The following REV3L variants were observed in gnomAD, a reference collection of about 807,000 sequenced individuals.
REV3L encodes the protein REV3 like, DNA directed polymerase zeta catalytic subunit, also known as DNA polymerase zeta catalytic subunit.
Under a neutral mutation model 299.4 loss-of-function variants are expected in REV3L, and 69 were observed. That is an observed-to-expected ratio of 0.23 (90% CI 0.19 to 0.28). The LOEUF (loss-of-function observed/expected upper bound fraction) is 0.28, where lower values mean the gene tolerates loss of function less well. REV3L is among the 10% of genes least tolerant of loss of function. The pLI is 1.00. For synonymous variants in REV3L, 1,238 were observed against 1,271.4 expected, an observed-to-expected ratio of 0.97 and a Z score of 0.56; for missense variants, 3,128 against 3,693.8, an observed-to-expected ratio of 0.85 and a Z score of 3.97.
intron 13 of REV3L, among the ~76,000 whole-genome samples, chr6:111,370,951 A>G (rs1260903436): frequency 6.6e-6 from 1 of 151,908 alleles, no homozygotes; most frequent in Non-Finnish European, 1.5e-5. Flanking sequence ...AATGTGTAAT[A>G]TTCATATTGT....
At chr6:111,393,672 C>T (rs7776039) in intron 4 of REV3L, among the ~76,000 whole-genome samples, 5,451 of 152,162 alleles carry the variant, frequency 0.036, 326 homozygotes, top group African/African-American at 0.12. Context: ...ATACACCCTT[C>T]CCAGCCTCTA....
chr6:111,418,560 A>G (rs1038651583), intron 1 of REV3L, among the ~76,000 whole-genome samples: 14 of 152,208 alleles, frequency 9.2e-5, no homozygotes, highest in Non-Finnish European at 1.3e-4. Context: ...TGCTTTACCT[A>G]TGTATTTCTA....
At chr6:111,427,281 T>A (rs556749797) in intron 1 of REV3L, among the ~76,000 whole-genome samples, 51 of 152,236 alleles carry the variant, frequency 3.4e-4, no homozygotes, top group African/African-American at 1.1e-3. Context: ...TTTACCTGTC[T>A]AAAAGAAAGT....
rs927398843 is a variant in REV3L, at chr6:111,299,220, A to G, written c.*796T>C. The G allele has an allele frequency of 6.6e-6, 1 of 152,634 alleles. No homozygotes were observed. Among genetic ancestry groups the G allele is most frequent in the Non-Finnish European group, 1.5e-5 (1 of 68,024 alleles). 9.5% of individuals were successfully genotyped at this position (152,634 alleles called of 1,614,324 possible). ...GCAAATAAGATTAACTGTACAGTAC[A>G]TAAGGAAAGAAAATATTTTAAGTAT... On this transcript the variant is annotated 3_prime_UTR_variant, in exon 32 of 32. Coordinates refer to ENST00000368802, the MANE Select transcript of REV3L (RefSeq NM_001372078.1).
chr6:111,426,519 G>A (rs904715113), intron 1 of REV3L, among the ~76,000 whole-genome samples: 12 of 152,134 alleles, frequency 7.9e-5, no homozygotes, highest in Non-Finnish European at 1.2e-4. Context: ...TGATGACCCT[G>A]AGCAGTAGGA....
chr6:111,374,314 A>G lies in REV3L; in HGVS notation c.4041T>C (p.Thr1347=). The G allele has an allele frequency of 6.2e-7, 1 of 1,613,996 alleles. No individual in the cohort carries two copies. Residue 1347 remains threonine (T), a synonymous_variant, in exon 13 of 32, where the codon ACT becomes ACC. Transcript: ENST00000368802. ...QRPHNQSAMF[T]LKESTLIQKN... is the part of the protein sequence containing the mutation. ...TTTGAATTAACGTTGATTCCTTTAG[A>G]GTAAACATAGCACTTTGATTATGAG...
rs768665878 is a variant in REV3L at position 111,376,089 on chromosome 6, T to C, written c.2266A>G (p.Met756Val). The C allele has an allele frequency of 1.2e-5, 19 of 1,613,534 alleles. No homozygotes were observed. The highest frequency in any genetic ancestry group is 9.3e-5 in the African/African-American group (7 of 74,930). Residue 756 changes from methionine to valine, a missense_variant, in exon 13 of 32, where the codon ATG becomes GTG. Met to Val is a conservative substitution (Grantham distance 21). Coordinates refer to ENST00000368802, the MANE Select transcript of REV3L (RefSeq NM_001372078.1). ...LLSCSGENRT[M>V]VHSLNSTADE... ...GCAGTGCTATTAAGAGAATGCACCA[T>C]AGTTCTATTCTCCCCTGAGCATGAC... is the stretch of plus-strand genomic sequence containing the variant.
At chr6:111,356,553 A>C (rs1778108673) in intron 18 of REV3L, 1 of 152,230 alleles carries the variant, frequency 6.6e-6, no homozygotes, top group Non-Finnish European at 1.5e-5. Context: ...AATGCATCCC[A>C]AAGCTTTTTG....
Position 111,422,585 on chromosome 6 carries a change from TATATATATACAC to T in REV3L, c.140-6125_140-6114del, listed in dbSNP as rs1562286505. On this transcript the variant is annotated intron_variant, in intron 1 of 31. Transcript: ENST00000368802. ...TCTTTTATATATATATACACATATA[TATATATATACAC>T]ATATATATATATATACACATATATA... Among the ~76,000 whole-genome samples, 430 of 50,506 alleles carry T rather than the reference TATATATATACAC, an allele frequency of 8.5e-3. 62 individuals carry two copies. Among genetic ancestry groups the T allele is most frequent in the Middle Eastern group, 0.033 (2 of 60 alleles). The allele number at this position is 50,506 out of a possible 152,430, so 33.1% of individuals were successfully genotyped here. A position where few individuals can be genotyped will look rare whatever the true frequency, so the allele number is the denominator to read the frequency against.
chr6:111,370,748 G>A (rs1367792569), intron 13 of REV3L, among the ~76,000 whole-genome samples: 4 of 151,874 alleles, frequency 2.6e-5, no homozygotes, highest in Non-Finnish European at 5.9e-5. Flanking sequence ...AAAATTGAAA[G>A]GAAGGTACAG....
At chr6:111,357,641 G>A (rs12193815) in intron 17 of REV3L, among the ~76,000 whole-genome samples, 16,330 of 151,966 alleles carry the variant, frequency 0.11, 1,160 homozygotes, top group Middle Eastern at 0.2. Context: ...TGCAGTGAGC[G>A]GAGATCGCAC....
chr6:111,353,219 A>AT (rs1777756363), intron 18 of REV3L, among the ~76,000 whole-genome samples: 1 of 152,216 alleles, frequency 6.6e-6, no homozygotes, highest in African/African-American at 2.4e-5. Flanking sequence ...CAAGTCTGGC[A>AT]TAACAATGGA....
chr6:111,313,522 A>G, intron 27 of REV3L, 33 bp from the exon 28 acceptor site: 1 of 1,572,012 alleles, frequency 6.4e-7, no homozygotes, highest in East Asian at 2.3e-5. Context: ...CCTCTTAAAA[A>G]CCATTTCCCC....
intron 1 of REV3L, among the ~76,000 whole-genome samples, chr6:111,462,755 G>A (rs985869499): frequency 1.8e-4 from 27 of 152,280 alleles, no homozygotes; most frequent in African/African-American, 6.5e-4. Context: ...TTACTTAGTA[G>A]AGATGTGCTC....
intron 1 of REV3L, among the ~76,000 whole-genome samples, chr6:111,420,037 G>A (rs964749764): frequency 2.6e-5 from 4 of 152,008 alleles, no homozygotes; most frequent in Non-Finnish European, 5.9e-5. Context: ...AGTAGAGACG[G>A]GGTTTCACCG....
At chr6:111,355,057 G>A (rs890349977) in intron 18 of REV3L, among the ~76,000 whole-genome samples, 1 of 152,092 alleles carries the variant, frequency 6.6e-6, no homozygotes, top group Non-Finnish European at 1.5e-5. Context: ...TAGGGAGACT[G>A]CGCAAAGTGA....
intron 1 of REV3L, among the ~76,000 whole-genome samples, chr6:111,420,600 A>G (rs1420358284): frequency 3.9e-5 from 6 of 152,210 alleles, no homozygotes; most frequent in Admixed American, 2.0e-4. Flanking sequence ...GTGGCTGAAC[A>G]AGCCCATGTA....
chr6:111,471,491 A>G (rs778266944), intron 1 of REV3L, among the ~76,000 whole-genome samples: 4 of 152,218 alleles, frequency 2.6e-5, no homozygotes, highest in Non-Finnish European at 5.9e-5. Flanking sequence ...CAATTCAAAC[A>G]TTTTAAAGAG....
chr6:111,409,250 A>C (rs1783981674), intron 3 of REV3L, among the ~76,000 whole-genome samples: 1 of 152,202 alleles, frequency 6.6e-6, no homozygotes, highest in African/African-American at 2.4e-5. Context: ...ATAGCCTTTC[A>C]TGTTACTTTC....
Sources: gnomAD v4.1 joint callset for allele counts (sites outside exome capture counted in the v4.1 genomes callset) on GRCh38, gnomAD v4.1.1 for gene constraint, MANE v1.5 for transcripts, NCBI Gene and HGNC (gene_info 2026-07-23, HGNC 2026-07-21) for gene names.